TTC6: variants seen among roughly 807,000 people sequenced by gnomAD.
The protein encoded by TTC6 is tetratricopeptide repeat protein 6.
In TTC6, 172 loss-of-function variants were observed where a neutral mutation model predicts 210.4. The observed-to-expected ratio is 0.82, with a 90% CI of 0.72 to 0.93. TTC6 has a LOEUF of 0.93. TTC6 is among the 40% of genes least tolerant of loss of function. The probability of loss-of-function intolerance (pLI) is 0.00; values close to 1 mark genes in which losing one functional copy is unlikely to be tolerated. For synonymous variants in TTC6, 804 were observed against 819.6 expected (o/e 0.98, Z 0.32); for missense variants, 2,414 against 2,318.1 (o/e 1.04, Z -0.85).
intron 7 of TTC6, among the ~76,000 whole-genome samples, chr14:37,735,549 C>A (rs902993570): frequency 6.6e-6 from 1 of 152,116 alleles, no homozygotes. Flanking sequence ...AATGAATATT[C>A]ATGTGTTGAC....
chr14:37,790,130 C>T (rs990054751), intron 15 of TTC6, among the ~76,000 whole-genome samples: 1 of 152,042 alleles, frequency 6.6e-6, no homozygotes. Context: ...TCTCGCATCT[C>T]GGATAGCTGT....
At chr14:37,763,184 G>A (rs1259078884) in intron 14 of TTC6, among the ~76,000 whole-genome samples, 2 of 151,918 alleles carry the variant, frequency 1.3e-5, no homozygotes, top group African/African-American at 4.8e-5. Context: ...CACTGCACCC[G>A]GCCCTGTATC....
chr14:37,715,303 TG>T (rs2095850867), intron 6 of TTC6, among the ~76,000 whole-genome samples: 1 of 151,982 alleles, frequency 6.6e-6, no homozygotes, highest in Non-Finnish European at 1.5e-5. Flanking sequence ...TCACAAAAGA[TG>T]GGGAGAGACT....
chr14:37,692,878 A>AATAC (rs1263884636), intron 3 of TTC6, among the ~76,000 whole-genome samples: 10 of 151,250 alleles, frequency 6.6e-5, no homozygotes, highest in Admixed American at 2.0e-4. Context: ...TAAATAAATA[A>AATAC]ATAAATAAAT....
chr14:37,838,437 G>A (rs549992157), intron 29 of TTC6, among the ~76,000 whole-genome samples: 9 of 152,290 alleles, frequency 5.9e-5, no homozygotes, highest in Non-Finnish European at 1.2e-4. Flanking sequence ...CTCCAATACT[G>A]TTTTGCAGAC....
chr14:37,637,530 A>C (rs1309009247), intron 1 of TTC6, among the ~76,000 whole-genome samples: 2 of 152,142 alleles, frequency 1.3e-5, no homozygotes, highest in Non-Finnish European at 2.9e-5. Flanking sequence ...AGCCACTCAC[A>C]TGGCTGAGGC....
rs1282038176 is a variant in TTC6, at chr14:37,725,331, T to TAC, written c.1818+330_1818+331insCA. 4.2e-5 allele frequency among the ~76,000 whole-genome samples: 4 copies of TAC among 94,764 alleles called. No individual in the cohort carries two copies. The South Asian group carries it at 1.1e-3, about 25-fold the overall frequency. The allele number at this position is 94,764 out of a possible 152,430, so 62.2% of individuals were successfully genotyped here. On this transcript the variant is annotated intron_variant, in intron 7 of 30. Coordinates refer to ENST00000553443, the Ensembl canonical transcript of TTC6. ...GTGTGTGTATATATATATATATATA[T>TAC]ATATATATATATATATATATATATA...
intron 21 of TTC6, 100 bp downstream of exon 23, chr14:37,804,914 G>T (rs970092434): frequency 2.0e-5 from 26 of 1,306,462 alleles, no homozygotes; most frequent in Non-Finnish European, 2.6e-5. Context: ...GTGGGCAACC[G>T]GTCCAAAGCT....
At chr14:37,664,787 A>G (rs1445114220) in intron 1 of TTC6, among the ~76,000 whole-genome samples, 2 of 150,648 alleles carry the variant, frequency 1.3e-5, no homozygotes, top group East Asian at 1.9e-4. Flanking sequence ...CTTATCAGGA[A>G]CTTAAATCTA....
At chr14:37,682,325 A>G (rs2095785621) in intron 2 of TTC6, among the ~76,000 whole-genome samples, 1 of 152,056 alleles carries the variant, frequency 6.6e-6, no homozygotes, top group South Asian at 2.1e-4. Context: ...CCATAACACC[A>G]TCCAGTAGCT....
At chr14:37,787,875 ATG>A (rs1357755262) in intron 15 of TTC6, among the ~76,000 whole-genome samples, 7 of 119,470 alleles carry the variant, frequency 5.9e-5, no homozygotes, top group African/African-American at 2.0e-4. Context: ...TATGCCCTTT[ATG>A]TGTGTGTGTG....
chr14:37,842,634 A>G (rs1231618371), downstream of TTC6: 3 of 162,334 alleles, frequency 1.8e-5, no homozygotes, highest in East Asian at 5.2e-4. Context: ...AAAAAGTGTC[A>G]CTGACCTTTT....
chr14:37,767,744 G>A (rs2096003847), intron 14 of TTC6, among the ~76,000 whole-genome samples: 2 of 151,576 alleles, frequency 1.3e-5, no homozygotes, highest in Non-Finnish European at 1.5e-5. Context: ...CTCCCATTTT[G>A]TAGGTTGCCT....
intron 29 of TTC6, among the ~76,000 whole-genome samples, chr14:37,832,188 G>A (rs2096186886): frequency 6.6e-6 from 1 of 150,992 alleles, no homozygotes; most frequent in South Asian, 2.1e-4. Context: ...TGTTTATTTG[G>A]GTCTTTTCTC....
exon 9 of TTC6, chr14:37,737,719 A>G (rs1346434661): frequency 2.6e-6 from 4 of 1,515,610 alleles, no homozygotes; most frequent in Admixed American, 2.0e-5. Context: ...TTAGTGCACA[A>G]CCTACACAAC....
At chr14:37,699,923 C>G (rs577992558) in intron 4 of TTC6, among the ~76,000 whole-genome samples, 1 of 152,098 alleles carries the variant, frequency 6.6e-6, no homozygotes, top group South Asian at 2.1e-4. Flanking sequence ...GAAGCCACAC[C>G]CAGTTTGGAA....
At chr14:37,641,181 T>C (rs1295488812) in intron 1 of TTC6, among the ~76,000 whole-genome samples, 1 of 152,236 alleles carries the variant, frequency 6.6e-6, no homozygotes, top group Non-Finnish European at 1.5e-5. Flanking sequence ...AGGTTACACA[T>C]TGACATATTG....
At chr14:37,788,792 A>G (rs2096073232) in intron 15 of TTC6, among the ~76,000 whole-genome samples, 1 of 152,166 alleles carries the variant, frequency 6.6e-6, no homozygotes, top group Admixed American at 6.6e-5. Flanking sequence ...TTTAGGGTTC[A>G]GAGGATAAAT....
chr14:37,721,759 T>C (rs1422234770), intron 6 of TTC6, among the ~76,000 whole-genome samples: 1 of 150,682 alleles, frequency 6.6e-6, no homozygotes, highest in Non-Finnish European at 1.5e-5. Context: ...GTGTGGAGAT[T>C]GAATAAAATT....
Sources: allele counts gnomAD v4.1 joint callset (sites outside exome capture counted in the v4.1 genomes callset), GRCh38; gene constraint gnomAD v4.1.1; transcripts MANE v1.5; gene names NCBI Gene and HGNC (gene_info 2026-07-23, HGNC 2026-07-21).